The following HPSE variants were observed in gnomAD, a reference collection of about 807,000 sequenced individuals.
The protein encoded by HPSE is heparanase.
In HPSE, 48 loss-of-function variants were observed where a neutral mutation model predicts 65.1. The observed-to-expected ratio is 0.74, with a 90% CI of 0.58 to 0.94. The LOEUF (loss-of-function observed/expected upper bound fraction) is 0.94. Among genes scored for constraint, HPSE ranks in the 40% least tolerant of loss-of-function variants. The pLI is 0.00. For synonymous variants in HPSE, 243 were observed against 260.0 expected, an observed-to-expected ratio of 0.93 and a Z score of 0.63; for missense variants, 644 against 637.5, an observed-to-expected ratio of 1.01 and a Z score of -0.11.
At chr4:83,316,065 C>T (rs187726339) in intron 3 of HPSE, among the ~76,000 whole-genome samples, 12 of 151,550 alleles carry the variant, frequency 7.9e-5, no homozygotes, top group East Asian at 1.9e-4. Context: ...ATTGTTCTGT[C>T]GCCCAGGCTG....
upstream of HPSE, chr4:83,334,892 C>G (rs1578033619): frequency 1.4e-6 from 2 of 1,424,088 alleles, no homozygotes; most frequent in Non-Finnish European, 1.8e-6. Context: ...TTCCTCCGCC[C>G]CGTTACGCCT....
intron 1 of HPSE, among the ~76,000 whole-genome samples, chr4:83,325,364 C>T (rs1421930355): frequency 6.6e-6 from 1 of 152,160 alleles, no homozygotes; most frequent in Non-Finnish European, 1.5e-5. Context: ...TGGGGTTTCA[C>T]CATGTTGGCC....
intron 3 of HPSE, among the ~76,000 whole-genome samples, chr4:83,316,312 C>G (rs1257963130): frequency 6.6e-6 from 1 of 150,386 alleles, no homozygotes; most frequent in Non-Finnish European, 1.5e-5. Flanking sequence ...CAGGCGTGAG[C>G]CACCACGTCT....
intron 2 of HPSE, among the ~76,000 whole-genome samples, 170 bp from the exon 3 acceptor site, chr4:83,319,639 C>T (rs774135717): frequency 1.3e-4 from 20 of 152,146 alleles, no homozygotes; most frequent in Admixed American, 1.2e-3. Context: ...TCAAATTTGC[C>T]GGCTCATGAA....
intron 2 of HPSE, among the ~76,000 whole-genome samples, chr4:83,320,887 G>T (rs1736864116): frequency 6.6e-6 from 1 of 152,030 alleles, no homozygotes; most frequent in African/African-American, 2.4e-5. Flanking sequence ...ACAAATGACT[G>T]GTGGGAAAGG....
chr4:83,316,998 T>TCAAGTAATTCTCCTG (rs1477401141), intron 3 of HPSE, among the ~76,000 whole-genome samples: 1 of 152,190 alleles, frequency 6.6e-6, no homozygotes, highest in East Asian at 1.9e-4. Flanking sequence ...CCTCCCAGAT[T>TCAAGTAATTCTCCTG]CAAGTAATTC....
intron 9 of HPSE, among the ~76,000 whole-genome samples, chr4:83,304,708 C>G (rs999271047): frequency 2.0e-5 from 3 of 151,898 alleles, no homozygotes; most frequent in African/African-American, 7.3e-5. Context: ...CAACACATAC[C>G]CCAACTTTCC....
intron 6 of HPSE, 59 bp downstream of exon 6, chr4:83,309,972 T>C: frequency 1.6e-6 from 2 of 1,232,160 alleles, no homozygotes; most frequent in Non-Finnish European, 2.3e-6. Context: ...TTTTGAATAC[T>C]AGGTAATAAA....
At chr4:83,333,068 A>G (rs889573447) in intron 1 of HPSE, among the ~76,000 whole-genome samples, 4 of 152,162 alleles carry the variant, frequency 2.6e-5, no homozygotes, top group Admixed American at 2.6e-4. Context: ...GAAGGGCAGA[A>G]AGTAAGGATT....
chr4:83,305,288 A>G (rs1736108521), intron 9 of HPSE, among the ~76,000 whole-genome samples: 1 of 152,214 alleles, frequency 6.6e-6, no homozygotes, highest in Non-Finnish European at 1.5e-5. Flanking sequence ...GTTTAACTCT[A>G]TACATGACAG....
intron 4 of HPSE, 87 bp from the exon 5 acceptor site, chr4:83,310,977 T>C: frequency 3.6e-6 from 4 of 1,113,718 alleles, no homozygotes; most frequent in Admixed American, 2.5e-5. Context: ...CAACAAAACA[T>C]TTTCCAAATT....
chr4:83,300,069 G>T (rs1044251210), intron 11 of HPSE, among the ~76,000 whole-genome samples: 2 of 152,128 alleles, frequency 1.3e-5, no homozygotes, highest in Non-Finnish European at 1.5e-5. Flanking sequence ...AACATACATT[G>T]AACAGAAACC....
At position 83,310,023 on chromosome 4, in the gene HPSE, A is replaced by C. The variant is rs1736305894; in HGVS notation, c.890+8T>G. The C allele has an allele frequency of 6.2e-7, 1 of 1,602,986 alleles. No homozygotes were observed. The highest frequency in any genetic ancestry group is 8.5e-7 in the Non-Finnish European group (1 of 1,171,312). ...TTTCCTAGTATTAAGAATAGGAGAC[A>C]TACTTACTGATGCCATGTAACTGAA... On this transcript the variant is annotated splice_region_variant and intron_variant, in intron 6 of 11. Transcript: ENST00000311412.
chr4:83,324,935 C>A (rs993010152), intron 1 of HPSE, among the ~76,000 whole-genome samples: 2 of 151,766 alleles, frequency 1.3e-5, no homozygotes, highest in African/African-American at 4.8e-5. Flanking sequence ...CATTTTGCCA[C>A]AATAAAATAA....
At chr4:83,335,095 A>C, upstream of HPSE, 19 of 278,662 alleles carry the variant, frequency 6.8e-5, no homozygotes, top group East Asian at 1.9e-4. Flanking sequence ...CCGGGATCCA[A>C]GCGCCCGGGA....
chr4:83,331,303 A>T (rs1241068087), intron 1 of HPSE, among the ~76,000 whole-genome samples: 1 of 152,106 alleles, frequency 6.6e-6, no homozygotes, highest in African/African-American at 2.4e-5. Context: ...AATAATAAAT[A>T]CCTCATTAAT....
In HPSE at chr4:83,315,287, C is replaced by A. The variant is rs966648596; in HGVS notation, c.500-2000G>T. ...ACTTCCATAAACTGCTGCCTACCAT[C>A]AAGGAATGACAGACATTTGGGTTTG... On this transcript the variant is annotated intron_variant, in intron 3 of 11. Coordinates refer to ENST00000311412, the MANE Select transcript of HPSE (RefSeq NM_001098540.3). Among the ~76,000 whole-genome samples the A allele has an allele frequency of 1.4e-4, 22 of 152,296 alleles. No individual in the cohort carries two copies. In the South Asian group the frequency reaches 1.7e-3, roughly 11 times the overall value.
In HPSE at chr4:83,319,174, A is replaced by AAC. The variant is rs200209615; in HGVS notation, c.499+169_499+170insGT. ...ATGTCAGATGAAGAAAAAACAAACAAAAAAAAAACCAAAAAGCAAGTTTTG... is the reference window on the plus strand; with the variant it reads ...ATGTCAGATGAAGAAAAAACAAACAAACAAAAAAAACCAAAAAGCAAGTTTTG... On this transcript the variant is annotated intron_variant, in intron 3 of 11. Transcript: ENST00000311412. Among the ~76,000 whole-genome samples, 443 of 128,572 alleles carry AAC rather than the reference A, an allele frequency of 3.4e-3. 4 individuals carry two copies. The highest frequency in any genetic ancestry group is 0.011 in the African/African-American group (395 of 34,740). 84.3% of individuals were successfully genotyped at this position (128,572 alleles called of 152,430 possible).
intron 6 of HPSE, 142 bp from the exon 7 acceptor site, chr4:83,309,637 C>A (rs1193007772): frequency 2.1e-5 from 13 of 633,502 alleles, no homozygotes; most frequent in Non-Finnish European, 3.6e-5. Context: ...AGGGAAAGAC[C>A]AAGATGGAAG....
Sources: gnomAD v4.1 joint callset for allele counts (sites outside exome capture counted in the v4.1 genomes callset) on GRCh38, gnomAD v4.1.1 for gene constraint, MANE v1.5 for transcripts, NCBI Gene and HGNC (gene_info 2026-07-23, HGNC 2026-07-21) for gene names.